LMNA: variants seen among roughly 807,000 people sequenced by gnomAD.
LMNA encodes the protein lamin A/C.
A neutral mutation model predicts 70.4 loss-of-function variants in LMNA; 20 were observed. That is an observed-to-expected ratio of 0.28 (90% CI 0.20 to 0.41). LMNA has a LOEUF of 0.41. Among genes scored for constraint, LMNA ranks in the 10% least tolerant of loss-of-function variants. The pLI is 1.00. For missense variants in LMNA, 652 were observed against 917.2 expected (o/e 0.71, Z 3.73); for synonymous variants, 339 against 372.8 (o/e 0.91, Z 1.04).
In LMNA at chr1:156,138,140, T is replaced by G; in HGVS notation, c.1699-348T>G. On this transcript the variant is annotated intron_variant, in intron 10 of 11. Transcript: ENST00000368300. The surrounding 1 kb of genome is among the most constrained non-coding windows in gnomAD (Gnocchi z 5.5). The stretch of plus-strand genomic sequence containing the variant: ...TTTCCTGCAAGAATGTTCTCTCTCA[T>G]TCCTGACCGCCCCTCCACTCCAATT... The G allele has an allele frequency of 1.9e-6, 1 of 527,544 alleles. No homozygotes were observed. 32.7% of individuals were successfully genotyped at this position (527,544 alleles called of 1,614,324 possible). A position where few individuals can be genotyped will look rare whatever the true frequency, so the allele number is the denominator to read the frequency against.
At chr1:156,123,786 T>C (rs887367843) in intron 1 of LMNA, among the ~76,000 whole-genome samples, 1 of 152,226 alleles carries the variant, frequency 6.6e-6, no homozygotes, top group Non-Finnish European at 1.5e-5. Context: ...AGGACCCCAG[T>C]GCCCTGGCCT....
At chr1:156,121,046 CTTTTT>C (rs57371677) in intron 1 of LMNA, among the ~76,000 whole-genome samples, 1 of 100,412 alleles carries the variant, frequency 1.0e-5, no homozygotes, top group African/African-American at 4.4e-5. Flanking sequence ...CAAATCCATT[CTTTTT>C]TTTTTTTTTT....
intron 2 of LMNA, among the ~76,000 whole-genome samples, chr1:156,084,598 G>A (rs1448570261): frequency 6.6e-6 from 1 of 152,172 alleles, no homozygotes; most frequent in African/African-American, 2.4e-5. Context: ...CCCTCCGTCT[G>A]CCCCAGGAAC....
chr1:156,133,995 A>C (rs2102877010), intron 2 of LMNA, among the ~76,000 whole-genome samples: 1 of 151,716 alleles, frequency 6.6e-6, no homozygotes, highest in South Asian at 2.1e-4. Context: ...GTGCCAGAGA[A>C]GGGAGTCCTG....
chr1:156,086,468 G>A (rs1648481042), intron 2 of LMNA, among the ~76,000 whole-genome samples: 1 of 150,886 alleles, frequency 6.6e-6, no homozygotes, highest in South Asian at 2.1e-4. Flanking sequence ...CTCATGCCTG[G>A]GGAACAAAGG....
rs1651822605 is a variant in LMNA, at chr1:156,138,050, G to A, written c.1698+307G>A. ...GGAAAGGGAGGGGAGGACAGACGTG[G>A]GGCATGCCCGCCCTGCCTCTCTCCC... On this transcript the variant is annotated intron_variant, in intron 10 of 11. Coordinates refer to ENST00000368300, the MANE Select transcript of LMNA (RefSeq NM_170707.4). This position sits in a 1 kb window ranked among gnomAD's most constrained non-coding sequence, Gnocchi z 5.5. The A allele has an allele frequency of 5.3e-6, 3 of 561,326 alleles. No homozygotes were observed. Among genetic ancestry groups the A allele is most frequent in the African/African-American group, 1.9e-5 (1 of 53,064 alleles). The allele number at this position is 561,326 out of a possible 1,614,324, so 34.8% of individuals were successfully genotyped here. A position where few individuals can be genotyped will look rare whatever the true frequency, so the allele number is the denominator to read the frequency against.
chr1:156,138,385 T>C lies in LMNA; in HGVS notation c.1699-103T>C, dbSNP rs1651846662. ...GCTCCTTGGGCACAGAACCACACCT[T>C]CCTGCCTGGCGGCTGGGAGCCTGCA... On this transcript the variant is annotated intron_variant, in intron 10 of 11. Coordinates refer to ENST00000368300, the MANE Select transcript of LMNA (RefSeq NM_170707.4). The surrounding 1 kb of genome is among the most constrained non-coding windows in gnomAD (Gnocchi z 5.5). The C allele has an allele frequency of 1.5e-6, 2 of 1,364,404 alleles. No individual in the cohort carries two copies. The highest frequency in any genetic ancestry group is 1.4e-5 in the African/African-American group (1 of 69,670). The allele number at this position is 1,364,404 out of a possible 1,614,324, so 84.5% of individuals were successfully genotyped here.
intron 3 of LMNA, among the ~76,000 whole-genome samples, chr1:156,099,867 C>CAAAAAAA (rs57524097): frequency 7.0e-5 from 7 of 100,246 alleles, no homozygotes; most frequent in Non-Finnish European, 6.6e-5. Flanking sequence ...GCCTGGGTGA[C>CAAAAAAA]AAAAAAAAAA....
At chr1:156,118,000 T>C (rs1649953605) in intron 1 of LMNA, among the ~76,000 whole-genome samples, 1 of 150,674 alleles carries the variant, frequency 6.6e-6, no homozygotes, top group Non-Finnish European at 1.5e-5. Context: ...TTTTTGCTTT[T>C]TGTTTGTAAA....
At chr1:156,095,209 G>A (rs1281628829) in intron 3 of LMNA, among the ~76,000 whole-genome samples, 5 of 152,116 alleles carry the variant, frequency 3.3e-5, no homozygotes, top group East Asian at 1.9e-4. Context: ...GATTACAGGC[G>A]TTAGCCACTG....
In LMNA at chr1:156,140,033, C is replaced by G; in HGVS notation, c.*927C>G. On this transcript the variant is annotated 3_prime_UTR_variant, in exon 12 of 12. Transcript: ENST00000368300. ...AAAGAGCCCTTGCCTCCCCATTTCC[C>G]ATCTGCACCCCTTCTCTCCTCCCCA... 1 of 532,678 alleles carries G rather than the reference C, an allele frequency of 1.9e-6. No homozygotes were observed. Among genetic ancestry groups the G allele is most frequent in the Non-Finnish European group, 3.3e-6 (1 of 302,792 alleles). The allele number at this position is 532,678 out of a possible 1,614,324, so 33.0% of individuals were successfully genotyped here. A position where few individuals can be genotyped will look rare whatever the true frequency, so the allele number is the denominator to read the frequency against.
chr1:156,110,778 C>T (rs377308311), upstream of LMNA, among the ~76,000 whole-genome samples: 1 of 152,220 alleles, frequency 6.6e-6, no homozygotes, highest in African/African-American at 2.4e-5. Flanking sequence ...GAGTTCGAGA[C>T]CAGCCTGGCC....
chr1:156,122,862 G>A (rs1435304560), intron 1 of LMNA, among the ~76,000 whole-genome samples: 1 of 152,220 alleles, frequency 6.6e-6, no homozygotes, highest in African/African-American at 2.4e-5. Context: ...TGGGCTGGGA[G>A]GAGGTCTTGG....
chr1:156,135,831 C>T lies in LMNA; in HGVS notation c.937-70C>T, dbSNP rs1206417503. The T allele has an allele frequency of 2.2e-5, 30 of 1,361,592 alleles. No homozygotes were observed. Among genetic ancestry groups the T allele is most frequent in the African/African-American group, 7.2e-5 (5 of 69,800 alleles). The allele number at this position is 1,361,592 out of a possible 1,614,324, so 84.3% of individuals were successfully genotyped here. ...GAGAGTAGCCAGGTGTCTCCTACAC[C>T]GACCCACGTCCCTCCTTCCCCATAC... On this transcript the variant is annotated intron_variant, in intron 5 of 11. Coordinates refer to ENST00000368300, the MANE Select transcript of LMNA (RefSeq NM_170707.4). This position sits in a 1 kb window ranked among gnomAD's most constrained non-coding sequence, Gnocchi z 4.8.
At position 156,135,243 on chromosome 1, in the gene LMNA, C is replaced by A; in HGVS notation, c.867C>A (p.His289Gln). The A allele has an allele frequency of 6.2e-7, 1 of 1,613,774 alleles. No homozygotes were observed. The highest frequency in any genetic ancestry group is 8.5e-7 in the Non-Finnish European group (1 of 1,180,026). The change falls in exon 5 of 12, where the codon CAC (histidine) becomes CAA (glutamine). Residue 289 changes from histidine to glutamine, a missense_variant. By Grantham distance (24) the His-to-Gln change is conservative. Coordinates refer to ENST00000368300, the MANE Select transcript of LMNA (RefSeq NM_170707.4). This position sits in a 1 kb window ranked among gnomAD's most constrained non-coding sequence, Gnocchi z 4.8. ...ACAGCAACCTGGTGGGGGCTGCCCA[C>A]GAGGAGCTGCAGCAGTCGCGCATCC... Reference protein sequence around the residue: ...ERNSNLVGAAHEELQQSRIRI... With the variant: ...ERNSNLVGAAQEELQQSRIRI...
rs375443715 is a variant in LMNA at position 156,082,882 on chromosome 1, T to G, written c.-555-66T>G. 6.3e-3 allele frequency: 956 copies of G among 152,100 alleles called. 5 individuals are homozygous for G. The highest frequency in any genetic ancestry group is 0.01 in the Non-Finnish European group (685 of 67,986). The allele number at this position is 152,100 out of a possible 1,614,324, so 9.4% of individuals were successfully genotyped here. On this transcript the variant is annotated intron_variant, in intron 1 of 12. Coordinates refer to the LMNA transcript ENST00000368301. ...TCCCCGCTCGCTCACTGCGGCTTTC[T>G]CTCTCGCTCCCCTCTCCCCGCTCCC...
At chr1:156,102,046 A>C (rs963222985) in intron 3 of LMNA, among the ~76,000 whole-genome samples, 1 of 152,120 alleles carries the variant, frequency 6.6e-6, no homozygotes, top group African/African-American at 2.4e-5. Context: ...GTGGAAGGCC[A>C]CTCACCCTTG....
Position 156,135,981 on chromosome 1 carries a change from G to A in LMNA, c.1017G>A (p.Ala339=), listed in dbSNP as rs17847242. 2.9e-4 allele frequency: 473 copies of A among 1,614,134 alleles called. 5 individuals are homozygous for A. The East Asian group carries it at 6.7e-3, about 23-fold the overall frequency. ...RERDTSRRLL[A]EKEREMAEMR... is the part of the protein sequence containing the mutation. ...GGGACACCAGCCGGCGGCTGCTGGC[G>A]GAAAAGGAGCGGGAGATGGCCGAGA... The change falls in exon 6 of 12, where the codon GCG becomes GCA. Residue 339 remains alanine, a synonymous_variant. Coordinates refer to ENST00000368300, the MANE Select transcript of LMNA (RefSeq NM_170707.4). The surrounding 1 kb of genome is among the most constrained non-coding windows in gnomAD (Gnocchi z 4.8).
In LMNA at chr1:156,135,387, G is replaced by C. The variant is rs1651478091; in HGVS notation, c.936+75G>C. On this transcript the variant is annotated intron_variant, in intron 5 of 11. Coordinates refer to ENST00000368300, the MANE Select transcript of LMNA (RefSeq NM_170707.4). The surrounding 1 kb of genome is among the most constrained non-coding windows in gnomAD (Gnocchi z 4.8). ...ATGCAGGCTGGAAGCCCAGGGTTGGGGGTGGGGGTGGGGGTGGGAGGTTCC... is the reference window on the plus strand; with the variant it reads ...ATGCAGGCTGGAAGCCCAGGGTTGGCGGTGGGGGTGGGGGTGGGAGGTTCC... The C allele has an allele frequency of 1.4e-6, 2 of 1,462,186 alleles. No homozygotes were observed. Among genetic ancestry groups the C allele is most frequent in the Non-Finnish European group, 9.3e-7 (1 of 1,072,616 alleles). 90.6% of individuals were successfully genotyped at this position (1,462,186 alleles called of 1,614,324 possible). A position where few individuals can be genotyped will look rare whatever the true frequency, so the allele number is the denominator to read the frequency against.
Sources: allele counts gnomAD v4.1 joint callset (sites outside exome capture counted in the v4.1 genomes callset), GRCh38; gene constraint gnomAD v4.1.1; non-coding constraint Gnocchi (gnomAD v3.1); transcripts MANE v1.5; gene names NCBI Gene and HGNC (gene_info 2026-07-23, HGNC 2026-07-21).